Variants in RAD51B observed in about 807,000 individuals in gnomAD.
RAD51B encodes RAD51 paralog B.
RAD51B carries 38 observed loss-of-function variants against 42.2 expected under a neutral mutation model. That is an observed-to-expected ratio of 0.90 (90% CI 0.70 to 1.18). The LOEUF is 1.18. RAD51B is among the 50% of genes most tolerant of loss of function. The probability of loss-of-function intolerance (pLI) is 0.00; values close to 1 mark genes in which losing one functional copy is unlikely to be tolerated. For synonymous variants in RAD51B, 154 were observed against 145.2 expected (o/e 1.06, Z -0.43); for missense variants, 373 against 400.7 (o/e 0.93, Z 0.59).
In RAD51B at chr14:68,634,402, T is replaced by C. The variant is rs542206297; in HGVS notation, c.1037-16379T>C. On this transcript the variant is annotated intron_variant, in intron 10 of 11. Transcript: ENST00000488612. Reference sequence around the variant, plus strand: ...CCAGTTGTGGGTCAGAGAACAGCTGTGCAAGAACGGCAATGCCAGAGGAAT... The same window carrying C: ...CCAGTTGTGGGTCAGAGAACAGCTGCGCAAGAACGGCAATGCCAGAGGAAT... 1.2e-3 allele frequency among the ~76,000 whole-genome samples: 184 copies of C among 152,298 alleles called. 2 individuals are homozygous for C. The highest frequency in any genetic ancestry group is 6.0e-3 in the South Asian group (29 of 4,828).
At chr14:67,867,255 C>T (rs7150860) in intron 5 of RAD51B, among the ~76,000 whole-genome samples, 9,262 of 152,150 alleles carry the variant, frequency 0.061, 683 homozygotes, top group African/African-American at 0.18. Flanking sequence ...GAAAGGTTGG[C>T]CAATCGGTTA....
At chr14:67,922,943 A>G (rs1205793068) in intron 7 of RAD51B, among the ~76,000 whole-genome samples, 1 of 152,152 alleles carries the variant, frequency 6.6e-6, no homozygotes, top group Non-Finnish European at 1.5e-5. Flanking sequence ...CACCTACCTC[A>G]GCCTCTCAAA....
chr14:68,423,966 A>C (rs1016980623), intron 9 of RAD51B, among the ~76,000 whole-genome samples: 2 of 152,210 alleles, frequency 1.3e-5, no homozygotes, highest in Non-Finnish European at 2.9e-5. Context: ...TCCAAGTACT[A>C]GCCTTTCCAG....
At chr14:68,471,220 G>A (rs1425760352) in intron 10 of RAD51B, among the ~76,000 whole-genome samples, 1 of 152,166 alleles carries the variant, frequency 6.6e-6, no homozygotes, top group East Asian at 1.9e-4. Context: ...GAGGCCGCCA[G>A]CCACTGTGGC....
At chr14:68,209,804 G>A (rs902628283) in intron 7 of RAD51B, among the ~76,000 whole-genome samples, 6 of 152,200 alleles carry the variant, frequency 3.9e-5, no homozygotes, top group Admixed American at 1.3e-4. Flanking sequence ...TATTGTAATC[G>A]TGATTTTCTT....
rs754840073 is a variant in RAD51B at position 68,039,426 on chromosome 14, C to CAAA, written c.756+152241_756+152243dup. On this transcript the variant is annotated intron_variant, in intron 7 of 10. Coordinates refer to ENST00000471583, the MANE Select transcript of RAD51B (RefSeq NM_133510.4). ...CTGGTGACAGAGCGAGACTTCATTC[C>CAAA]AAAAAAAAAAAAAAAAAAAAAGTGT... Among the ~76,000 whole-genome samples the CAAA allele has an allele frequency of 6.3e-5, 4 of 63,806 alleles. 1 individual carries two copies. The highest frequency in any genetic ancestry group is 1.9e-4 in the African/African-American group (4 of 21,390). 41.9% of individuals were successfully genotyped at this position (63,806 alleles called of 152,430 possible). A position where few individuals can be genotyped will look rare whatever the true frequency, so the allele number is the denominator to read the frequency against.
intron 7 of RAD51B, among the ~76,000 whole-genome samples, chr14:68,269,565 C>T (rs1566773233): frequency 6.6e-6 from 1 of 152,226 alleles, no homozygotes; most frequent in Non-Finnish European, 1.5e-5. Context: ...ACTGTCCTAT[C>T]AGTATCTACA....
intron 7 of RAD51B, among the ~76,000 whole-genome samples, chr14:68,242,255 C>T (rs1178542003): frequency 2.0e-5 from 3 of 152,216 alleles, no homozygotes; most frequent in Non-Finnish European, 4.4e-5. Flanking sequence ...TTTCTCATCA[C>T]ACTTCAAGGT....
chr14:68,636,929 G>T (rs1407719275), intron 10 of RAD51B, among the ~76,000 whole-genome samples: 1 of 152,204 alleles, frequency 6.6e-6, no homozygotes, highest in African/African-American at 2.4e-5. Flanking sequence ...CCACCTTGTG[G>T]AATAGTTGCT....
At chr14:68,187,234 T>A (rs1041074782) in intron 7 of RAD51B, among the ~76,000 whole-genome samples, 3 of 152,008 alleles carry the variant, frequency 2.0e-5, no homozygotes, top group African/African-American at 7.2e-5. Context: ...GGGAGAAGGG[T>A]TGAAAAACTA....
rs575080299 is a variant in RAD51B, at chr14:67,939,345, G to A, written c.756+52141G>A. ...GGATGTGAGCTTTAAAAAGGTGGAA[G>A]CCAAATTGTGCATGCTTTTGTATAG... On this transcript the variant is annotated intron_variant, in intron 7 of 10. Coordinates refer to ENST00000471583, the MANE Select transcript of RAD51B (RefSeq NM_133510.4). Among the ~76,000 whole-genome samples, 47 of 152,262 alleles carry A rather than the reference G, an allele frequency of 3.1e-4. No individual in the cohort carries two copies. In the South Asian group the frequency reaches 8.7e-3, roughly 28 times the overall value.
chr14:68,468,553 A>G (rs1472876951), intron 10 of RAD51B: 3 of 403,460 alleles, frequency 7.4e-6, no homozygotes, highest in African/African-American at 6.2e-5. Context: ...TCCTCTTTGC[A>G]GATCCTATGG....
intron 7 of RAD51B, among the ~76,000 whole-genome samples, chr14:68,230,270 A>G (rs2080120798): frequency 1.3e-5 from 2 of 152,230 alleles, no homozygotes; most frequent in African/African-American, 4.8e-5. Context: ...TTGAAGGTAT[A>G]GAGAGTGTGT....
At chr14:67,856,974 G>A (rs996856127) in intron 4 of RAD51B, among the ~76,000 whole-genome samples, 2 of 152,002 alleles carry the variant, frequency 1.3e-5, no homozygotes, top group African/African-American at 4.8e-5. Flanking sequence ...GAGTTTACAA[G>A]AAGCAAATAA....
intron 7 of RAD51B, among the ~76,000 whole-genome samples, chr14:68,240,343 A>G (rs1409729811): frequency 2.0e-5 from 3 of 152,238 alleles, no homozygotes; most frequent in East Asian, 3.8e-4. Flanking sequence ...GACAGACAAT[A>G]AACAGGAACT....
At chr14:68,021,896 GA>G (rs1305736369) in intron 7 of RAD51B, among the ~76,000 whole-genome samples, 9 of 152,196 alleles carry the variant, frequency 5.9e-5, no homozygotes. Context: ...TTTGCTGGTG[GA>G]GGGTCTTGCC....
chr14:68,380,571 A>T (rs1187826690), intron 8 of RAD51B, among the ~76,000 whole-genome samples: 2 of 152,092 alleles, frequency 1.3e-5, no homozygotes, highest in Non-Finnish European at 2.9e-5. Flanking sequence ...GGAGTGGGGG[A>T]TGAAGGATCG....
At chr14:67,901,835 T>C (rs146744402) in intron 7 of RAD51B, among the ~76,000 whole-genome samples, 261 of 152,002 alleles carry the variant, frequency 1.7e-3, no homozygotes, top group African/African-American at 6.1e-3. Flanking sequence ...ATACCACATA[T>C]AAGTGGGAGT....
Position 67,823,629 on chromosome 14 carries a change from TA to T in RAD51B, c.84+5del, listed in dbSNP as rs374817853. 136 of 1,608,072 alleles carry T rather than the reference TA, an allele frequency of 8.5e-5. No individual in the cohort carries two copies. The African/African-American group carries it at 1.7e-3, about 20-fold the overall frequency. On this transcript the variant is annotated splice_donor_region_variant and intron_variant, in intron 2 of 10. Coordinates refer to ENST00000471583, the MANE Select transcript of RAD51B (RefSeq NM_133510.4). Reference sequence around the variant, plus strand: ...AGACATCAGATCCTTACCTGTCAGGTAAATTTTATTTAACATTTTTATTGAT... The same window carrying T: ...AGACATCAGATCCTTACCTGTCAGGTAATTTTATTTAACATTTTTATTGAT...
Sources: allele counts gnomAD v4.1 joint callset (sites outside exome capture counted in the v4.1 genomes callset), GRCh38; gene constraint gnomAD v4.1.1; transcripts MANE v1.5; gene names NCBI Gene and HGNC (gene_info 2026-07-23, HGNC 2026-07-21).